The following EEF2K variants were observed in gnomAD, a reference collection of about 807,000 sequenced individuals.
EEF2K encodes eukaryotic elongation factor 2 kinase.
A neutral mutation model predicts 93.8 loss-of-function variants in EEF2K; 70 were observed. That is an observed-to-expected ratio of 0.75 (90% confidence interval 0.62 to 0.91). The LOEUF (loss-of-function observed/expected upper bound fraction) is 0.91. EEF2K is among the 40% of genes least tolerant of loss of function. The probability of loss-of-function intolerance (pLI) is 0.00; values close to 1 mark genes in which losing one functional copy is unlikely to be tolerated. For missense variants in EEF2K, 935 were observed against 972.9 expected, an observed-to-expected ratio of 0.96 and a Z score of 0.52; for synonymous variants, 376 against 380.8, an observed-to-expected ratio of 0.99 and a Z score of 0.15.
rs201826374 is a variant in EEF2K, at chr16:22,280,197, G to A, written c.1890-1G>A. 1.4e-6 allele frequency: 2 copies of A among 1,477,952 alleles called. No homozygotes were observed. Among genetic ancestry groups the A allele is most frequent in the Non-Finnish European group, 1.8e-6 (2 of 1,107,978 alleles). The allele number at this position is 1,477,952 out of a possible 1,614,324, so 91.6% of individuals were successfully genotyped here. On this transcript the variant is annotated splice_acceptor_variant, in intron 16 of 17. Coordinates refer to ENST00000263026, the MANE Select transcript of EEF2K (RefSeq NM_013302.5). LOFTEE classifies it high-confidence loss of function. ...CCTTTCCCTCTGTATCTCCTGGCAA[G>A]GTGCCAAGACTGGCTAGAGGCCCTG...
chr16:22,225,532 C>A, intron 1 of EEF2K, 122 bp from the exon 2 acceptor site: 2 of 747,556 alleles, frequency 2.7e-6, no homozygotes, highest in Admixed American at 3.0e-5. Flanking sequence ...CAAAAGATAG[C>A]TCTAGGTTTT....
rs1246627220 is a variant in EEF2K, at chr16:22,287,246, A to G, written c.*3250A>G. The G allele has an allele frequency of 6.6e-6, 1 of 152,274 alleles. No homozygotes were observed. Among genetic ancestry groups the G allele is most frequent in the East Asian group, 1.9e-4 (1 of 5,194 alleles). The allele number at this position is 152,274 out of a possible 1,614,324, so 9.4% of individuals were successfully genotyped here. A position where few individuals can be genotyped will look rare whatever the true frequency, so the allele number is the denominator to read the frequency against. Reference sequence around the variant, plus strand: ...GCGTCACTGCACTCCAGCCTGGGCGACAGAGTGAGACTCCGTCTCGAAACC... The same window carrying G: ...GCGTCACTGCACTCCAGCCTGGGCGGCAGAGTGAGACTCCGTCTCGAAACC... On this transcript the variant is annotated 3_prime_UTR_variant, in exon 18 of 18. Coordinates refer to ENST00000263026, the MANE Select transcript of EEF2K (RefSeq NM_013302.5).
In EEF2K at chr16:22,284,447, A is replaced by C. The variant is rs1034366374; in HGVS notation, c.*451A>C. On this transcript the variant is annotated 3_prime_UTR_variant, in exon 18 of 18. Coordinates refer to ENST00000263026, the MANE Select transcript of EEF2K (RefSeq NM_013302.5). ...TGGTGCACACCACCACACTCAGCTA[A>C]TTTTTGCATTTTTAGTAGAGATGGG... 3 of 158,920 alleles carry C rather than the reference A, an allele frequency of 1.9e-5. No individual in the cohort carries two copies. Among genetic ancestry groups the C allele is most frequent in the African/African-American group, 7.3e-5 (3 of 41,374 alleles). The allele number at this position is 158,920 out of a possible 1,614,324, so 9.8% of individuals were successfully genotyped here.
chr16:22,247,285 CAAA>C (rs575381523), intron 3 of EEF2K, among the ~76,000 whole-genome samples: 1 of 142,872 alleles, frequency 7.0e-6, no homozygotes, highest in Admixed American at 7.0e-5. Flanking sequence ...TACAAAAATA[CAAA>C]AAAAAAAATT....
chr16:22,264,466 T>C (rs1336257875), intron 12 of EEF2K, among the ~76,000 whole-genome samples: 1 of 152,012 alleles, frequency 6.6e-6, no homozygotes, highest in Non-Finnish European at 1.5e-5. Flanking sequence ...GCAAGACCCA[T>C]GTCTAAATTA....
Position 22,244,634 on chromosome 16 carries a change from C to G in EEF2K, c.251C>G (p.Ala84Gly). The G allele has an allele frequency of 6.2e-7, 1 of 1,613,962 alleles. No individual in the cohort carries two copies. Among genetic ancestry groups the G allele is most frequent in the South Asian group, 1.1e-5 (1 of 91,088 alleles). The stretch of plus-strand genomic sequence containing the variant: ...CTTCTCCTTTGCCTTCCACAGGAAG[C>G]CTGGAAGCACGCAATCCAGAAGGCC... ...SPANSFHFKEAWKHAIQKAKH... is the reference protein window; with the variant it reads ...SPANSFHFKEGWKHAIQKAKH... The change falls in exon 3 of 18, where the codon GCC (alanine) becomes GGC (glycine). Residue 84 changes from alanine (A) to glycine (G), a missense_variant. By Grantham distance (60) the Ala-to-Gly change is moderately conservative. Coordinates refer to ENST00000263026, the MANE Select transcript of EEF2K (RefSeq NM_013302.5).
intron 17 of EEF2K, 90 bp downstream of exon 17, chr16:22,280,466 G>A: frequency 5.5e-6 from 7 of 1,283,836 alleles, no homozygotes; most frequent in Non-Finnish European, 7.0e-6. Flanking sequence ...TTTATGACAA[G>A]ATGACAGGCT....
rs994922285 is a variant in EEF2K, at chr16:22,284,281, T to A, written c.*285T>A. The A allele has an allele frequency of 2.9e-6, 1 of 341,210 alleles. No individual in the cohort carries two copies. Among genetic ancestry groups the A allele is most frequent in the Non-Finnish European group, 5.6e-6 (1 of 180,106 alleles). The allele number at this position is 341,210 out of a possible 1,614,324, so 21.1% of individuals were successfully genotyped here. ...CGTTTTGTGTGTGGTTTTTTTTGTT[T>A]GTTTGTTTGTTTGTTTTGAGACAGA... On this transcript the variant is annotated 3_prime_UTR_variant, in exon 18 of 18. Coordinates refer to ENST00000263026, the MANE Select transcript of EEF2K (RefSeq NM_013302.5).
intron 3 of EEF2K, among the ~76,000 whole-genome samples, chr16:22,247,037 CAAA>C (rs57073413): frequency 2.7e-3 from 37 of 13,678 alleles, no homozygotes; most frequent in African/African-American, 5.6e-3. Flanking sequence ...GACTCCATCT[CAAA>C]AAAAAAAAAA....
chr16:22,266,843 G>A lies in EEF2K; in HGVS notation c.1731G>A (p.Leu577=), dbSNP rs878949671. The A allele has an allele frequency of 3.7e-6, 6 of 1,613,430 alleles. No individual in the cohort carries two copies. The South Asian group carries it at 6.6e-5, about 18-fold the overall frequency. ...IVGLGLMYSQ[L]PHHILADVSL... ...GCCTGGGACTCATGTACTCGCAGTT[G>A]CCTCATCACATCCTAGCCGATGTCT... Residue 577 remains leucine (L), a synonymous_variant, in exon 15 of 18, where the codon TTG becomes TTA. Transcript: ENST00000263026.
In EEF2K at chr16:22,256,892, C is replaced by G. The variant is rs763236265; in HGVS notation, c.763C>G (p.Pro255Ala). The part of the protein sequence containing the change: ...FVRDDNIRLT[P>A]QAFSHFTFER... ...CCGCGATGACAACATCCGCCTGACG[C>G]CGCAGGTGAGGCCGAGCTCACCTCC... Residue 255 changes from proline (P) to alanine (A), a missense_variant, in exon 7 of 18, where the codon CCG (proline) becomes GCG (alanine). By Grantham distance (27) the Pro-to-Ala change is conservative. Coordinates refer to ENST00000263026, the MANE Select transcript of EEF2K (RefSeq NM_013302.5). 2.5e-6 allele frequency: 4 copies of G among 1,613,982 alleles called. No individual in the cohort carries two copies.
In EEF2K at chr16:22,233,671, G is replaced by A. The variant is rs143391528; in HGVS notation, c.246+7696G>A. On this transcript the variant is annotated intron_variant, in intron 2 of 17. Transcript: ENST00000263026. ...TGCCCTTTAGCCTAGGCAACAGAGC[G>A]AGACCCTCTCCCCTGCCCCCTGGCA... 2.3e-4 allele frequency among the ~76,000 whole-genome samples: 35 copies of A among 152,294 alleles called. 1 individual carries two copies. Among genetic ancestry groups the A allele is most frequent in the African/African-American group, 7.0e-4 (29 of 41,566 alleles).
chr16:22,267,152 G>A (rs2047532624), intron 15 of EEF2K, among the ~76,000 whole-genome samples: 1 of 152,144 alleles, frequency 6.6e-6, no homozygotes, highest in Admixed American at 6.6e-5. Flanking sequence ...GAAGACACCA[G>A]TGGAAACATG....
chr16:22,265,814 A>C (rs2047512411), intron 13 of EEF2K, among the ~76,000 whole-genome samples: 1 of 152,220 alleles, frequency 6.6e-6, no homozygotes, highest in South Asian at 2.1e-4. Context: ...TCCTACAGCA[A>C]CCTGCTGATG....
At position 22,226,095 on chromosome 16, in the gene EEF2K, C is replaced by G. The variant is rs562974222; in HGVS notation, c.246+120C>G. On this transcript the variant is annotated intron_variant, in intron 2 of 17. Transcript: ENST00000263026. ...CAAACCCTGGACAGTGCTCTAAACTCTGAGCTGAGGATATACTTGTTAAGC... is the reference window on the plus strand; with the variant it reads ...CAAACCCTGGACAGTGCTCTAAACTGTGAGCTGAGGATATACTTGTTAAGC... The G allele has an allele frequency of 8.1e-4, 1,140 of 1,402,232 alleles. 3 individuals carry two copies. Among genetic ancestry groups the G allele is most frequent in the Non-Finnish European group, 1.0e-3 (1,060 of 1,032,362 alleles). The allele number at this position is 1,402,232 out of a possible 1,614,324, so 86.9% of individuals were successfully genotyped here.
intron 2 of EEF2K, among the ~76,000 whole-genome samples, chr16:22,235,110 A>T (rs1171613261): frequency 6.6e-6 from 1 of 151,562 alleles, no homozygotes; most frequent in Non-Finnish European, 1.5e-5. Flanking sequence ...GTTACTGGGG[A>T]GGCTGAGGCG....
rs1308388809 is a variant in EEF2K at position 22,266,434 on chromosome 16, C to T, written c.1485C>T (p.His495=). 2 of 1,614,074 alleles carry T rather than the reference C, an allele frequency of 1.2e-6. 1 individual carries two copies. Among genetic ancestry groups the T allele is most frequent in the African/African-American group, 2.7e-5 (2 of 74,934 alleles). ...KWNLLNSSRL[H]LPRASAVALE... The stretch of plus-strand genomic sequence containing the variant: ...ATCTCCTCAACTCCTCCCGCCTCCA[C>T]CTGCCGAGGGCTTCGGCCGTGGCCC... Residue 495 remains histidine, a synonymous_variant, in exon 14 of 18, where the codon CAC becomes CAT. Coordinates refer to ENST00000263026, the MANE Select transcript of EEF2K (RefSeq NM_013302.5).
chr16:22,246,720 CTTG>C (rs2047296025), intron 3 of EEF2K, among the ~76,000 whole-genome samples: 1 of 151,730 alleles, frequency 6.6e-6, no homozygotes, highest in Admixed American at 6.6e-5. Context: ...TCTCTCACCC[CTTG>C]TTGTCTCCTT....
chr16:22,268,923 C>T (rs2047551134), intron 15 of EEF2K, among the ~76,000 whole-genome samples: 2 of 151,804 alleles, frequency 1.3e-5, no homozygotes, highest in South Asian at 2.1e-4. Flanking sequence ...CGCCACTGCA[C>T]TCCAGCCTGG....
Sources: gnomAD v4.1 joint callset for allele counts (sites outside exome capture counted in the v4.1 genomes callset) on GRCh38, gnomAD v4.1.1 for gene constraint, MANE v1.5 for transcripts, NCBI Gene and HGNC (gene_info 2026-07-23, HGNC 2026-07-21) for gene names.